Variants in CFAP70 observed in about 807,000 individuals in gnomAD.
CFAP70 encodes the protein cilia and flagella associated protein 70.
A neutral mutation model predicts 137.6 loss-of-function variants in CFAP70; 81 were observed. The ratio of observed to expected loss-of-function variants is 0.59; its 90% CI spans 0.49 to 0.71. The LOEUF (loss-of-function observed/expected upper bound fraction) is 0.71. Ranked by LOEUF, CFAP70 falls within the 30% of genes least tolerant of loss-of-function variation. The pLI is 0.00. For synonymous variants in CFAP70, 382 were observed against 423.6 expected (o/e 0.90, Z 1.20); for missense variants, 976 against 1,226.7 (o/e 0.80, Z 3.05).
rs139438629 is a variant in CFAP70 at position 73,275,646 on chromosome 10, G to A, written c.2521-48C>T. The A allele has an allele frequency of 1.3e-3, 1,834 of 1,427,880 alleles. 4 individuals carry two copies. The highest frequency in any genetic ancestry group is 4.8e-3 in the East Asian group (180 of 37,812). 88.5% of individuals were successfully genotyped at this position (1,427,880 alleles called of 1,614,324 possible). A position where few individuals can be genotyped will look rare whatever the true frequency, so the allele number is the denominator to read the frequency against. Reference sequence around the variant, plus strand: ...AGCAACATATAAATGGCTGCATTGCGTCTTTTTCGGTTGAAGGATTCTGTC... The same window carrying A: ...AGCAACATATAAATGGCTGCATTGCATCTTTTTCGGTTGAAGGATTCTGTC... On this transcript the variant is annotated intron_variant, in intron 21 of 26. Transcript: ENST00000310715. The surrounding 1 kb of genome is among the most constrained non-coding windows in gnomAD (Gnocchi z 4.0).
At chr10:73,346,275 T>C (rs1465715715) in intron 4 of CFAP70, among the ~76,000 whole-genome samples, 1 of 152,160 alleles carries the variant, frequency 6.6e-6, no homozygotes, top group African/African-American at 2.4e-5. Flanking sequence ...TCCACATACA[T>C]AGGTATAGAC....
chr10:73,254,600 C>CTAGA (rs1229411497), intron 26 of CFAP70, among the ~76,000 whole-genome samples: 5 of 152,210 alleles, frequency 3.3e-5, no homozygotes, highest in Admixed American at 2.6e-4. Flanking sequence ...TCCCATGCAG[C>CTAGA]TAGAGGTAGT....
At chr10:73,343,218 A>AAG (rs1485656242) in intron 5 of CFAP70, among the ~76,000 whole-genome samples, 2 of 151,780 alleles carry the variant, frequency 1.3e-5, no homozygotes, top group African/African-American at 4.8e-5. Context: ...TCAAAAAAAA[A>AAG]AAAAAAAAGA....
chr10:73,271,487 G>C (rs1273301316), intron 24 of CFAP70, among the ~76,000 whole-genome samples: 1 of 152,170 alleles, frequency 6.6e-6, no homozygotes, highest in Non-Finnish European at 1.5e-5. Flanking sequence ...ACTCCAGCTT[G>C]GGTGACAGAG....
chr10:73,278,236 G>C (rs762435270), exon 20 of CFAP70: 1 of 1,613,970 alleles, frequency 6.2e-7, no homozygotes, highest in Non-Finnish European at 8.5e-7. Context: ...CTTATACTTG[G>C]ATCCCAAGTT....
intron 24 of CFAP70, among the ~76,000 whole-genome samples, chr10:73,270,515 C>T: frequency 2.3e-5 from 1 of 42,612 alleles, no homozygotes; most frequent in African/African-American, 1.0e-4. Flanking sequence ...CTTCCCCTCC[C>T]CTCCCCTCCC....
chr10:73,311,703 T>C (rs10159702), intron 11 of CFAP70, 131 bp downstream of exon 12: 8,091 of 790,298 alleles, frequency 0.01, 344 homozygotes, highest in African/African-American at 0.1. Flanking sequence ...CCCAAAGTCA[T>C]AGACAACTAG....
chr10:73,289,727 G>A (rs1396233991), intron 19 of CFAP70, among the ~76,000 whole-genome samples: 2 of 151,924 alleles, frequency 1.3e-5, no homozygotes, highest in African/African-American at 2.4e-5. Context: ...GTTGAATGGG[G>A]TAATTACTAA....
chr10:73,340,902 C>A lies in CFAP70; in HGVS notation c.582+497G>T, dbSNP rs1339059165. On this transcript the variant is annotated intron_variant, in intron 6 of 26. Transcript: ENST00000310715. ...AAGAGTGCAGAGATGCCTGGGTATG[C>A]AGCTGTGGTTGGGCAGCTGCAGCTG... Among the ~76,000 whole-genome samples, 9 of 152,182 alleles carry A rather than the reference C, an allele frequency of 5.9e-5. No individual in the cohort carries two copies. In the East Asian group the frequency reaches 1.7e-3, roughly 29 times the overall value.
intron 8 of CFAP70, among the ~76,000 whole-genome samples, chr10:73,326,922 G>T (rs2132258179): frequency 6.6e-6 from 1 of 151,586 alleles, no homozygotes; most frequent in South Asian, 2.1e-4. Context: ...GGAGGAACTG[G>T]TACCATTCCT....
intron 12 of CFAP70, 54 bp from the exon 14 acceptor site, chr10:73,299,719 G>T: frequency 7.1e-7 from 1 of 1,407,064 alleles, no homozygotes. Context: ...ATTATCTACA[G>T]ATGTATATTT....
At chr10:73,259,461 C>G (rs565015325) in intron 25 of CFAP70, among the ~76,000 whole-genome samples, 1 of 152,118 alleles carries the variant, frequency 6.6e-6, no homozygotes, top group South Asian at 2.1e-4. Context: ...GCCCCTCCCC[C>G]TCCTTTGTTT....
At chr10:73,263,841 T>G (rs1179243710) in intron 25 of CFAP70, among the ~76,000 whole-genome samples, 1 of 152,248 alleles carries the variant, frequency 6.6e-6, no homozygotes, top group Non-Finnish European at 1.5e-5. Context: ...TTGATGATTG[T>G]CCACTGAATC....
intron 19 of CFAP70, among the ~76,000 whole-genome samples, chr10:73,289,174 T>C (rs1296644673): frequency 6.6e-6 from 1 of 152,158 alleles, no homozygotes; most frequent in Non-Finnish European, 1.5e-5. Context: ...AAAATTGTTA[T>C]GATTACATAA....
intron 7 of CFAP70, among the ~76,000 whole-genome samples, chr10:73,331,481 G>C (rs532250181): frequency 5.3e-5 from 8 of 152,244 alleles, no homozygotes; most frequent in Admixed American, 3.3e-4. Context: ...AGGTGTTTGA[G>C]ATGGTCTGAG....
At chr10:73,267,345 A>G (rs542940468) in intron 25 of CFAP70, among the ~76,000 whole-genome samples, 4 of 152,162 alleles carry the variant, frequency 2.6e-5, no homozygotes, top group African/African-American at 7.2e-5. Flanking sequence ...ATAGCCTTCT[A>G]TAGGCTAAAC....
intron 19 of CFAP70, 127 bp from the exon 21 acceptor site, chr10:73,278,464 G>C (rs1564773057): frequency 4.2e-6 from 3 of 712,160 alleles, no homozygotes; most frequent in Non-Finnish European, 4.4e-6. Flanking sequence ...GGACAGACTT[G>C]TTTGGTAGAC....
intron 19 of CFAP70, among the ~76,000 whole-genome samples, chr10:73,284,782 ATATATATAT>A (rs2047544666): frequency 1.8e-5 from 1 of 54,376 alleles, no homozygotes; most frequent in Non-Finnish European, 3.4e-5. Context: ...ATATATATAT[ATATATATAT>A]ATATATATAT....
chr10:73,325,062 A>G (rs1193998367), intron 8 of CFAP70, among the ~76,000 whole-genome samples: 18 of 152,224 alleles, frequency 1.2e-4, no homozygotes, highest in Non-Finnish European at 1.0e-4. Context: ...AAATGAAGGA[A>G]AAAATGTTAA....
Sources: allele counts gnomAD v4.1 joint callset (sites outside exome capture counted in the v4.1 genomes callset), GRCh38; gene constraint gnomAD v4.1.1; non-coding constraint Gnocchi (gnomAD v3.1); transcripts MANE v1.5; gene names NCBI Gene and HGNC (gene_info 2026-07-23, HGNC 2026-07-21).